The following SORBS2 variants were observed in gnomAD, a reference collection of about 807,000 sequenced individuals.
The protein encoded by SORBS2 is sorbin and SH3 domain containing 2.
In SORBS2, 46 loss-of-function variants were observed where a neutral mutation model predicts 97.7. The ratio of observed to expected loss-of-function variants is 0.47; its 90% confidence interval spans 0.37 to 0.60. SORBS2 has a LOEUF of 0.60. Among genes scored for constraint, SORBS2 ranks in the 20% least tolerant of loss-of-function variants. The pLI, the probability that SORBS2 is intolerant of heterozygous loss-of-function variation, is 0.00. For synonymous variants in SORBS2, 476 were observed against 473.4 expected (o/e 1.01, Z -0.07); for missense variants, 1,316 against 1,282.3 (o/e 1.03, Z -0.40).
intron 13 of SORBS2, among the ~76,000 whole-genome samples, chr4:185,590,870 T>G (rs1010650787): frequency 4.0e-5 from 6 of 151,822 alleles, no homozygotes; most frequent in African/African-American, 1.5e-4. Flanking sequence ...TGTGAGGGGG[T>G]TTTTAAAAAT....
intron 6 of SORBS2, 80 bp from the exon 19 acceptor site, chr4:185,624,574 TA>T (rs3841443): frequency 0.3 from 431,656 of 1,427,142 alleles, 66,923 homozygotes; most frequent in Admixed American, 0.36. Context: ...AGCATGTCAG[TA>T]AAGCATCAGA....
intron 1 of SORBS2, among the ~76,000 whole-genome samples, chr4:185,800,239 A>G (rs1197308956): frequency 6.6e-6 from 1 of 152,164 alleles, no homozygotes; most frequent in East Asian, 1.9e-4. Context: ...ACCACTAGCA[A>G]TCACCCTATA....
chr4:185,821,982 T>C (rs1585249226), intron 1 of SORBS2, among the ~76,000 whole-genome samples: 1 of 152,256 alleles, frequency 6.6e-6, no homozygotes, highest in Non-Finnish European at 1.5e-5. Flanking sequence ...CACTATTTTA[T>C]GTTCCACCAA....
At chr4:185,821,219 G>T (rs150784518) in intron 1 of SORBS2, among the ~76,000 whole-genome samples, 190 of 152,274 alleles carry the variant, frequency 1.2e-3, no homozygotes, top group African/African-American at 4.4e-3. Flanking sequence ...CGCCTGCCTG[G>T]GAAGCCAGGG....
intron 12 of SORBS2, among the ~76,000 whole-genome samples, chr4:185,610,433 C>T (rs567406016): frequency 0.013 from 1,951 of 150,766 alleles, 23 homozygotes; most frequent in African/African-American, 0.038. Context: ...AAAACTATAA[C>T]CAATCAAGCA....
At position 185,606,960 on chromosome 4, in the gene SORBS2, T is replaced by C; in HGVS notation, c.2796+4820A>G. 3.0e-6 allele frequency: 3 copies of C among 993,124 alleles called. No homozygotes were observed. Among genetic ancestry groups the C allele is most frequent in the Non-Finnish European group, 3.6e-6 (3 of 834,308 alleles). The allele number at this position is 993,124 out of a possible 1,614,324, so 61.5% of individuals were successfully genotyped here. On this transcript the variant is annotated intron_variant, in intron 12 of 14. Coordinates refer to ENST00000418609, the Ensembl canonical transcript of SORBS2. The surrounding 1 kb of genome is among the most constrained non-coding windows in gnomAD (Gnocchi z 4.3). ...TTTTTCTCAACTCTGCAAAGTTGCTTTGAGTTGTCGTTCTGGGATCCTGAA... is the reference window on the plus strand; with the variant it reads ...TTTTTCTCAACTCTGCAAAGTTGCTCTGAGTTGTCGTTCTGGGATCCTGAA...
At chr4:185,789,337 C>A (rs1352448970) in intron 1 of SORBS2, among the ~76,000 whole-genome samples, 1 of 152,086 alleles carries the variant, frequency 6.6e-6, no homozygotes, top group Admixed American at 6.5e-5. Flanking sequence ...AATACTCATT[C>A]ATCTCCACTC....
chr4:185,687,115 T>G (rs1294685310), intron 2 of SORBS2, among the ~76,000 whole-genome samples: 1 of 152,152 alleles, frequency 6.6e-6, no homozygotes, highest in Non-Finnish European at 1.5e-5. Context: ...CATTTGGACC[T>G]TACTGGGCTC....
intron 2 of SORBS2, among the ~76,000 whole-genome samples, chr4:185,753,714 A>T (rs540807534): frequency 5.7e-4 from 87 of 152,324 alleles, no homozygotes; most frequent in Non-Finnish European, 6.9e-4. Context: ...AATGCTTTTA[A>T]ATGGAATAGA....
intron 1 of SORBS2, among the ~76,000 whole-genome samples, chr4:185,871,130 G>A (rs377292861): frequency 2.6e-5 from 4 of 152,134 alleles, no homozygotes; most frequent in Admixed American, 1.3e-4. Flanking sequence ...TTTATGTCTC[G>A]TCTTTAAATA....
rs888206195 is a variant in SORBS2 at position 185,643,716 on chromosome 4, T to C, written c.396+2952A>G. ...GAAAAGTGGGCAGATGGAGAGGCCA[T>C]GTAGAGATTCAAAAGAGCAACACAG... On this transcript the variant is annotated intron_variant, in intron 4 of 14. Coordinates refer to ENST00000418609, the Ensembl canonical transcript of SORBS2. Among the ~76,000 whole-genome samples, 7 of 152,206 alleles carry C rather than the reference T, an allele frequency of 4.6e-5. No individual in the cohort carries two copies. In the East Asian group the frequency reaches 5.8e-4, roughly 13 times the overall value.
At chr4:185,597,141 T>G (rs2096122785) in intron 12 of SORBS2, among the ~76,000 whole-genome samples, 1 of 152,196 alleles carries the variant, frequency 6.6e-6, no homozygotes, top group South Asian at 2.1e-4. Context: ...ATTTGACTAG[T>G]AGGGAATGAG....
intron 6 of SORBS2, among the ~76,000 whole-genome samples, chr4:185,625,141 A>G (rs1345840109): frequency 1.3e-5 from 2 of 152,238 alleles, no homozygotes; most frequent in African/African-American, 4.8e-5. Flanking sequence ...CTTTAAACAA[A>G]CGAATTTACC....
At chr4:185,727,335 G>A (rs2098562333) in intron 2 of SORBS2, among the ~76,000 whole-genome samples, 1 of 152,122 alleles carries the variant, frequency 6.6e-6, no homozygotes, top group Admixed American at 6.5e-5. Flanking sequence ...TGCAGTCAAT[G>A]GATTTTGTCA....
intron 1 of SORBS2, among the ~76,000 whole-genome samples, chr4:185,948,516 T>G (rs1379873707): frequency 2.1e-5 from 3 of 142,800 alleles, no homozygotes; most frequent in African/African-American, 7.8e-5. Flanking sequence ...TTCAATTTTT[T>G]TTTTTTTTTT....
At chr4:185,625,406 T>G (rs2096794224) in intron 6 of SORBS2, among the ~76,000 whole-genome samples, 1 of 152,140 alleles carries the variant, frequency 6.6e-6, no homozygotes, top group Admixed American at 6.5e-5. Context: ...GGACATTTTC[T>G]TCCTAGAAAT....
At chr4:185,781,580 C>CCAGCCTCTCTAGCCTCCCTTCCAT (rs2099029793) in intron 1 of SORBS2, among the ~76,000 whole-genome samples, 2 of 131,246 alleles carry the variant, frequency 1.5e-5, no homozygotes, top group Non-Finnish European at 3.7e-5. Context: ...TCCATTGCCT[C>CCAGCCTCTCTAGCCTCCCTTCCAT]TGGCCCCTCC....
intron 1 of SORBS2, among the ~76,000 whole-genome samples, chr4:185,925,187 A>T (rs2099263014): frequency 6.6e-6 from 1 of 152,170 alleles, no homozygotes; most frequent in Non-Finnish European, 1.5e-5. Context: ...AAACTGTGTG[A>T]TTTGCTGAGG....
chr4:185,930,763 T>A (rs1343165065), intron 1 of SORBS2, among the ~76,000 whole-genome samples: 3 of 152,174 alleles, frequency 2.0e-5, no homozygotes, highest in Non-Finnish European at 4.4e-5. Context: ...CAATGAAAAA[T>A]CATAGTTTCT....
Sources: gnomAD v4.1 joint callset for allele counts (sites outside exome capture counted in the v4.1 genomes callset) on GRCh38, gnomAD v4.1.1 for gene constraint, Gnocchi (gnomAD v3.1) non-coding constraint, MANE v1.5 for transcripts, NCBI Gene and HGNC (gene_info 2026-07-23, HGNC 2026-07-21) for gene names.